The following DSCAM variants were observed in gnomAD, a reference collection of about 807,000 sequenced individuals.
The protein encoded by DSCAM is DS cell adhesion molecule, also known as cell adhesion molecule DSCAM.
Under a neutral mutation model 217.7 loss-of-function variants are expected in DSCAM, and 47 were observed. The observed-to-expected ratio is 0.22, with a 90% CI of 0.17 to 0.28. DSCAM has a LOEUF of 0.28. Ranked by LOEUF, DSCAM falls within the 10% of genes least tolerant of loss-of-function variation. The probability of loss-of-function intolerance (pLI) is 1.00; values close to 1 mark genes in which losing one functional copy is unlikely to be tolerated. For synonymous variants in DSCAM, 1,056 were observed against 1,015.3 expected (o/e 1.04, Z -0.76); for missense variants, 2,080 against 2,618.3 (o/e 0.79, Z 4.49).
chr21:40,319,231 A>C (rs1268236105), intron 8 of DSCAM, among the ~76,000 whole-genome samples: 4 of 152,128 alleles, frequency 2.6e-5, no homozygotes, highest in Non-Finnish European at 5.9e-5. Context: ...TACCTCCTTT[A>C]GGGGAGGAGT....
chr21:40,567,246 C>T (rs775326617), intron 3 of DSCAM, among the ~76,000 whole-genome samples: 1 of 152,180 alleles, frequency 6.6e-6, no homozygotes, highest in Non-Finnish European at 1.5e-5. Flanking sequence ...AAATAGTTGG[C>T]CCCGGCTTTG....
chr21:40,209,129 G>A (rs918718014), intron 11 of DSCAM, among the ~76,000 whole-genome samples: 2 of 152,278 alleles, frequency 1.3e-5, no homozygotes, highest in South Asian at 2.1e-4. Context: ...TCCCCTCATC[G>A]TCTTCCACTT....
intron 3 of DSCAM, among the ~76,000 whole-genome samples, chr21:40,464,333 GATAA>G (rs938243617): frequency 6.6e-6 from 1 of 152,148 alleles, no homozygotes; most frequent in Non-Finnish European, 1.5e-5. Flanking sequence ...CAATAAACAA[GATAA>G]ATAAACTAGG....
chr21:40,479,939 G>A (rs1306250978), intron 3 of DSCAM, among the ~76,000 whole-genome samples: 1 of 152,102 alleles, frequency 6.6e-6, no homozygotes, highest in Non-Finnish European at 1.5e-5. Flanking sequence ...CACACACACA[G>A]CTAATGGTCT....
intron 4 of DSCAM, among the ~76,000 whole-genome samples, chr21:40,364,789 C>CAT (rs2074813658): frequency 2.1e-5 from 3 of 144,980 alleles, no homozygotes; most frequent in East Asian, 2.0e-4. Flanking sequence ...TACACACATA[C>CAT]ATATATATAC....
rs150307391 is a variant in DSCAM, at chr21:40,385,520, C to T, written c.509-16275G>A. On this transcript the variant is annotated intron_variant, in intron 3 of 32. Transcript: ENST00000400454. The stretch of plus-strand genomic sequence containing the variant: ...TTGCACAAACTTTTACAAGATTCCT[C>T]GGCACCCACATAAGAGACGTACTAA... 4.4e-4 allele frequency among the ~76,000 whole-genome samples: 67 copies of T among 152,300 alleles called. 1 individual carries two copies. Among genetic ancestry groups the T allele is most frequent in the African/African-American group, 1.5e-3 (63 of 41,570 alleles).
chr21:40,132,821 G>C (rs1432688432), intron 19 of DSCAM, among the ~76,000 whole-genome samples: 2 of 152,168 alleles, frequency 1.3e-5, no homozygotes, highest in Non-Finnish European at 2.9e-5. Flanking sequence ...GCTTCCATCA[G>C]AGCAGATATG....
intron 10 of DSCAM, among the ~76,000 whole-genome samples, chr21:40,280,748 C>T (rs2073750085): frequency 6.6e-6 from 1 of 152,190 alleles, no homozygotes; most frequent in Non-Finnish European, 1.5e-5. Context: ...AATTACTGAG[C>T]ACCTGTACTG....
chr21:40,466,441 T>G (rs1408299923), intron 3 of DSCAM, among the ~76,000 whole-genome samples: 1 of 152,134 alleles, frequency 6.6e-6, no homozygotes, highest in Non-Finnish European at 1.5e-5. Flanking sequence ...AGAGCCTGAG[T>G]CCCCTCCATG....
chr21:40,818,405 G>T (rs1014294392), intron 1 of DSCAM, among the ~76,000 whole-genome samples: 6 of 151,250 alleles, frequency 4.0e-5, no homozygotes, highest in Admixed American at 1.3e-4. Flanking sequence ...AATTAGCTGG[G>T]TGTGGTGGCG....
chr21:40,095,126 A>T (rs1413598181), intron 20 of DSCAM, among the ~76,000 whole-genome samples: 3 of 152,248 alleles, frequency 2.0e-5, no homozygotes, highest in African/African-American at 7.2e-5. Flanking sequence ...GGCATGTCTT[A>T]CATGGTGGCA....
intron 1 of DSCAM, among the ~76,000 whole-genome samples, chr21:40,832,120 T>G (rs1169754355): frequency 2.0e-5 from 3 of 152,220 alleles, no homozygotes; most frequent in African/African-American, 7.2e-5. Flanking sequence ...AATACCCATT[T>G]GACTGAGAAT....
intron 6 of DSCAM, 109 bp downstream of exon 6, chr21:40,347,561 G>C: frequency 6.9e-7 from 1 of 1,438,966 alleles, no homozygotes; most frequent in South Asian, 1.4e-5. Context: ...TGGTGAGACA[G>C]AGAGCCTAGA....
chr21:40,535,464 C>G (rs1893450401), intron 3 of DSCAM, among the ~76,000 whole-genome samples: 1 of 152,154 alleles, frequency 6.6e-6, no homozygotes, highest in African/African-American at 2.4e-5. Flanking sequence ...CAGCCTTTAC[C>G]AATCAGGATG....
At chr21:40,334,831 C>T (rs2123574298) in intron 8 of DSCAM, among the ~76,000 whole-genome samples, 1 of 152,144 alleles carries the variant, frequency 6.6e-6, no homozygotes, top group Admixed American at 6.5e-5. Context: ...CCTTTTAAAA[C>T]CTTAGTCTGG....
In DSCAM at chr21:40,581,150, G is replaced by GT. The variant is rs1391232559; in HGVS notation, c.508+111659dup. On this transcript the variant is annotated intron_variant, in intron 3 of 32. Coordinates refer to ENST00000400454, the MANE Select transcript of DSCAM (RefSeq NM_001389.5). Reference sequence around the variant, plus strand: ...TGGATAAAGCAGGTCCTTTTAAATCGTAAGAGAATCCTTTAAACGAAGAAG... The same window carrying GT: ...TGGATAAAGCAGGTCCTTTTAAATCGTTAAGAGAATCCTTTAAACGAAGAAG... Among the ~76,000 whole-genome samples the GT allele has an allele frequency of 2.6e-5, 4 of 152,304 alleles. No homozygotes were observed. In the East Asian group the frequency reaches 5.8e-4, roughly 22 times the overall value.
At chr21:40,777,891 G>A (rs1368631352) in intron 1 of DSCAM, among the ~76,000 whole-genome samples, 1 of 152,006 alleles carries the variant, frequency 6.6e-6, no homozygotes, top group East Asian at 1.9e-4. Context: ...CTTAAATGAA[G>A]CCATAGAGCA....
chr21:40,142,404 T>A (rs2090302714), intron 18 of DSCAM, among the ~76,000 whole-genome samples, 154 bp downstream of exon 18: 1 of 152,166 alleles, frequency 6.6e-6, no homozygotes, highest in African/African-American at 2.4e-5. Context: ...CCTGTTCAAA[T>A]GTCAGATGAG....
intron 3 of DSCAM, among the ~76,000 whole-genome samples, chr21:40,682,607 GAA>G (rs1491166776): frequency 0.025 from 2,263 of 89,890 alleles, 190 homozygotes; most frequent in African/African-American, 0.082. Flanking sequence ...AAGAGAGAAA[GAA>G]AGAAAGAGAA....
Sources: gnomAD v4.1 joint callset for allele counts (sites outside exome capture counted in the v4.1 genomes callset) on GRCh38, gnomAD v4.1.1 for gene constraint, MANE v1.5 for transcripts, NCBI Gene and HGNC (gene_info 2026-07-23, HGNC 2026-07-21) for gene names.